ZNF276: variants seen among roughly 807,000 people sequenced by gnomAD.
ZNF276 encodes centromere protein Z.
ZNF276 carries 59 observed loss-of-function variants against 63.9 expected under a neutral mutation model. The observed-to-expected ratio is 0.92, with a 90% confidence interval of 0.75 to 1.15. The LOEUF (loss-of-function observed/expected upper bound fraction) is 1.15. Ranked by LOEUF, ZNF276 falls within the 50% of genes most tolerant of loss-of-function variation. The pLI, the probability that ZNF276 is intolerant of heterozygous loss-of-function variation, is 0.00. For synonymous variants in ZNF276, 496 were observed against 348.4 expected, an observed-to-expected ratio of 1.42 and a Z score of -4.72; for missense variants, 1,084 against 843.8, an observed-to-expected ratio of 1.28 and a Z score of -3.53.
chr16:89,728,139 A>G (rs1309720136), intron 5 of ZNF276, among the ~76,000 whole-genome samples: 1 of 151,382 alleles, frequency 6.6e-6, no homozygotes, highest in Admixed American at 6.6e-5. Context: ...GGTGGCTAAG[A>G]CTGTCCTCAG....
Position 89,739,101 on chromosome 16 carries a change from C to T in ZNF276, c.*855C>T. The T allele has an allele frequency of 1.2e-6, 2 of 1,613,958 alleles. No individual in the cohort carries two copies. Among genetic ancestry groups the T allele is most frequent in the East Asian group, 2.2e-5 (1 of 44,882 alleles). ...AAGGAGCCTCCGGCTGGGGGGAGCT[C>T]CCCTGGAGGTGGGACTGGCCCTTGC... On this transcript the variant is annotated 3_prime_UTR_variant, in exon 11 of 11. Coordinates refer to ENST00000443381, the MANE Select transcript of ZNF276 (RefSeq NM_001113525.2).
At position 89,721,816 on chromosome 16, in the gene ZNF276, A is replaced by ACGCGGGCGAGGACGG; in HGVS notation, c.182_196dup (p.Gly61_Ala65dup). ...TGGGGCCCGGTGGGGTCCTGCGGGG[A>ACGCGGGCGAGGACGG]CGCGGGCGAGGACGGCGCGGACGAG... On this transcript the variant is annotated inframe_insertion, in exon 1 of 11. Transcript: ENST00000443381. 2 of 1,233,146 alleles carry ACGCGGGCGAGGACGG rather than the reference A, an allele frequency of 1.6e-6. No individual in the cohort carries two copies. The highest frequency in any genetic ancestry group is 2.0e-6 in the Non-Finnish European group (2 of 988,854). 76.4% of individuals were successfully genotyped at this position (1,233,146 alleles called of 1,614,324 possible).
chr16:89,733,100 T>C lies in ZNF276; in HGVS notation c.1170-202T>C, dbSNP rs985350754. 1.2e-5 allele frequency: 7 copies of C among 596,076 alleles called. No individual in the cohort carries two copies. The East Asian group carries it at 1.5e-4, about 12-fold the overall frequency. The allele number at this position is 596,076 out of a possible 1,614,324, so 36.9% of individuals were successfully genotyped here. A position where few individuals can be genotyped will look rare whatever the true frequency, so the allele number is the denominator to read the frequency against. On this transcript the variant is annotated intron_variant, in intron 6 of 10. Coordinates refer to ENST00000443381, the MANE Select transcript of ZNF276 (RefSeq NM_001113525.2). ...CTGACCCTGCTGTGTCCTGCGCCCT[T>C]GCCCTCTGCTGTGCTCGCCCCTGAG...
chr16:89,739,061 A>G lies in ZNF276; in HGVS notation c.*815A>G. On this transcript the variant is annotated 3_prime_UTR_variant, in exon 11 of 11. Coordinates refer to ENST00000443381, the MANE Select transcript of ZNF276 (RefSeq NM_001113525.2). ...CCCCATAGTCTGCATGCTGTGCCGG[A>G]ACATTCTTTGGCAGAAGGAGCCTCC... is the stretch of plus-strand genomic sequence containing the variant. 6.2e-7 allele frequency: 1 copy of G among 1,614,056 alleles called. No homozygotes were observed. Among genetic ancestry groups the G allele is most frequent in the South Asian group, 1.1e-5 (1 of 91,076 alleles).
chr16:89,735,895 G>GTTTTTTTTT (rs202205113), intron 9 of ZNF276, among the ~76,000 whole-genome samples: 1 of 142,888 alleles, frequency 7.0e-6, no homozygotes. Context: ...TTTTTTGTTT[G>GTTTTTTTTT]TTTGTTTGTT....
At chr16:89,720,486 C>T (rs537729421), upstream of ZNF276, 203 of 1,115,530 alleles carry the variant, frequency 1.8e-4, no homozygotes, top group Admixed American at 3.0e-4. Flanking sequence ...GCGGACCCTC[C>T]TGCTACATCT....
intron 4 of ZNF276, among the ~76,000 whole-genome samples, chr16:89,726,733 C>T (rs2061482526): frequency 6.6e-6 from 1 of 152,056 alleles, no homozygotes; most frequent in African/African-American, 2.4e-5. Context: ...GCAATGTCTG[C>T]CTCCCGGGTT....
At chr16:89,731,347 G>A (rs888629294) in intron 6 of ZNF276, among the ~76,000 whole-genome samples, 2 of 152,174 alleles carry the variant, frequency 1.3e-5, no homozygotes, top group Admixed American at 6.5e-5. Context: ...TCCGCCTCCC[G>A]AGTTCAAGTG....
Position 89,723,544 on chromosome 16 carries a change from G to A in ZNF276, c.841G>A (p.Asp281Asn). The change falls in exon 4 of 11, where the codon GAT becomes AAT. Residue 281 changes from aspartate to asparagine, a missense_variant. Transcript: ENST00000443381. ...LPQHRGWNPG[D>N]APQTSQGRGT... is the part of the protein sequence containing the mutation. The stretch of plus-strand genomic sequence containing the variant: ...CCAGCACCGAGGGTGGAACCCTGGG[G>A]ATGCCCCTCAGACCTCCCAGGGTAG... 6.2e-7 allele frequency: 1 copy of A among 1,612,824 alleles called. No individual in the cohort carries two copies. Among genetic ancestry groups the A allele is most frequent in the African/African-American group, 1.3e-5 (1 of 75,064 alleles).
Position 89,739,823 on chromosome 16 carries a change from T to C in ZNF276, c.*1577T>C, listed in dbSNP as rs35696259. On this transcript the variant is annotated 3_prime_UTR_variant, in exon 11 of 11. Transcript: ENST00000443381. ...GTCCTGGGGTTGACCAGTGAGCCAG[T>C]AAATTATCTTATTGCTTTAAACAAG... The C allele has an allele frequency of 4.8e-6, 7 of 1,471,640 alleles. No individual in the cohort carries two copies. The African/African-American group carries it at 9.8e-5, about 21-fold the overall frequency. The allele number at this position is 1,471,640 out of a possible 1,614,324, so 91.2% of individuals were successfully genotyped here.
rs2061571035 is a variant in ZNF276, at chr16:89,729,337, G to A, written c.1169+19G>A. ...AAAGGAAGTAAGTGGGCAGCCCGGG[G>A]TCTGCTGGAGGCATCCGTTGGGCGA... On this transcript the variant is annotated intron_variant, in intron 6 of 10. Transcript: ENST00000443381. The A allele has an allele frequency of 6.2e-7, 1 of 1,612,902 alleles. No individual in the cohort carries two copies. The highest frequency in any genetic ancestry group is 8.5e-7 in the Non-Finnish European group (1 of 1,179,100).
intron 2 of ZNF276, 54 bp downstream of exon 2, chr16:89,722,888 G>A (rs1284277961): frequency 4.5e-6 from 7 of 1,572,370 alleles, no homozygotes; most frequent in African/African-American, 2.7e-5. Flanking sequence ...GCAGTGTGAC[G>A]GGTGTTGAGA....
upstream of ZNF276, chr16:89,720,909 C>A: frequency 7.8e-7 from 1 of 1,273,970 alleles, no homozygotes; most frequent in South Asian, 2.4e-5. Flanking sequence ...GCTGGACGGG[C>A]GACCGGAGGC....
rs149209309 is a variant in ZNF276, at chr16:89,737,853, C to G, written c.1522C>G (p.Arg508Gly). ...CDECGQTFKQ[R>G]KHLLVHQMRH... The stretch of plus-strand genomic sequence containing the variant: ...CGAATGTGGACAAACCTTCAAGCAG[C>G]GGAAGCACCTTCTCGTCCACCAAAT... The change falls in exon 10 of 11, where the codon CGG becomes GGG. Residue 508 changes from arginine to glycine, a missense_variant. By Grantham distance (125) the Arg-to-Gly change is moderately radical. Transcript: ENST00000443381. 6.2e-7 allele frequency: 1 copy of G among 1,614,040 alleles called. No homozygotes were observed. The highest frequency in any genetic ancestry group is 1.3e-5 in the African/African-American group (1 of 74,904).
Position 89,721,724 on chromosome 16 carries a change from C to G in ZNF276, c.84C>G (p.Ser28Arg). Residue 28 changes from serine to arginine, a missense_variant, in exon 1 of 11, where the codon AGC becomes AGG. Transcript: ENST00000443381. ...CCTCGGACGGCGGCGGCGGCGTCAG[C>G]CGGACTCGGGGCCGCCCTTCCCTTA... is the stretch of plus-strand genomic sequence containing the variant. ...CGASDGGGGV[S>R]RTRGRPSLSG... 7.4e-7 allele frequency: 1 copy of G among 1,356,358 alleles called. No homozygotes were observed. Among genetic ancestry groups the G allele is most frequent in the Non-Finnish European group, 9.5e-7 (1 of 1,055,754 alleles). 84.0% of individuals were successfully genotyped at this position (1,356,358 alleles called of 1,614,324 possible).
Position 89,739,155 on chromosome 16 carries a change from C to G in ZNF276, c.*909C>G, listed in dbSNP as rs367970303. 16 of 1,614,160 alleles carry G rather than the reference C, an allele frequency of 9.9e-6. No individual in the cohort carries two copies. The highest frequency in any genetic ancestry group is 1.4e-5 in the Non-Finnish European group (16 of 1,180,038). The stretch of plus-strand genomic sequence containing the variant: ...TGCCTGACCCTTGAGCTCCAGGCTC[C>G]TGCCAGCTGGAGGTGAAACTGTGCT... On this transcript the variant is annotated 3_prime_UTR_variant, in exon 11 of 11. Coordinates refer to ENST00000443381, the MANE Select transcript of ZNF276 (RefSeq NM_001113525.2).
chr16:89,729,388 G>T (rs549274794), intron 6 of ZNF276, 70 bp downstream of exon 6: 56 of 1,384,848 alleles, frequency 4.0e-5, no homozygotes, highest in Non-Finnish European at 5.4e-5. Context: ...GTGCTCCAGG[G>T]CCTCTCCCCG....
At chr16:89,722,878 G>A (rs1056271820) in intron 2 of ZNF276, 44 bp downstream of exon 2, 1 of 1,578,818 alleles carries the variant, frequency 6.3e-7, no homozygotes, top group Non-Finnish European at 8.6e-7. Flanking sequence ...TGTCAGTACT[G>A]CAGTGTGACG....
In ZNF276 at chr16:89,722,698, G is replaced by T. The variant is rs546650509; in HGVS notation, c.373G>T (p.Val125Phe). 1.9e-6 allele frequency: 3 copies of T among 1,612,390 alleles called. No homozygotes were observed. The highest frequency in any genetic ancestry group is 2.7e-5 in the African/African-American group (2 of 75,078). ...RDFQRLLGVA[V>F]RQDPTLSPFV... ...CTTCCAGCGCCTGCTTGGTGTGGCT[G>T]TCCGCCAGGACCCCACCTTGTCTCC... The change falls in exon 2 of 11, where the codon GTC becomes TTC. Residue 125 changes from valine (V) to phenylalanine (F), a missense_variant. Transcript: ENST00000443381.
Sources: allele counts gnomAD v4.1 joint callset (sites outside exome capture counted in the v4.1 genomes callset), GRCh38; gene constraint gnomAD v4.1.1; transcripts MANE v1.5; gene names NCBI Gene and HGNC (gene_info 2026-07-23, HGNC 2026-07-21).